Variants in NRG2 observed in about 807,000 individuals in gnomAD.
The protein encoded by NRG2 is pro-neuregulin-2, membrane-bound isoform.
Under a neutral mutation model 73.9 loss-of-function variants are expected in NRG2, and 27 were observed. The observed-to-expected ratio is 0.37, with a 90% CI of 0.27 to 0.50. NRG2 has a LOEUF of 0.50. Ranked by LOEUF, NRG2 falls within the 20% of genes least tolerant of loss-of-function variation. The pLI is 0.96. For synonymous variants in NRG2, 532 were observed against 541.0 expected (o/e 0.98, Z 0.23); for missense variants, 1,126 against 1,210.1 (o/e 0.93, Z 1.03).
At chr5:139,978,938 A>G (rs1371007905) in intron 1 of NRG2, among the ~76,000 whole-genome samples, 1 of 151,942 alleles carries the variant, frequency 6.6e-6, no homozygotes. Context: ...CTTTGTAGGG[A>G]CATGGATGAA....
chr5:139,975,073 G>A (rs1475696747), intron 1 of NRG2, among the ~76,000 whole-genome samples: 1 of 152,172 alleles, frequency 6.6e-6, no homozygotes, highest in Non-Finnish European at 1.5e-5. Flanking sequence ...ATGTCTACTT[G>A]TCATGTGTAC....
At chr5:139,930,534 G>T (rs968105030) in intron 1 of NRG2, among the ~76,000 whole-genome samples, 2 of 152,222 alleles carry the variant, frequency 1.3e-5, no homozygotes, top group Admixed American at 1.3e-4. Context: ...GTTCCCTTTG[G>T]TTTGTGTTTC....
At chr5:139,974,356 G>A (rs1411499935) in intron 1 of NRG2, among the ~76,000 whole-genome samples, 3 of 152,106 alleles carry the variant, frequency 2.0e-5, no homozygotes. Flanking sequence ...TTGGCAAAAT[G>A]GGGAAGGGCT....
At chr5:140,030,342 C>G (rs982145710) in intron 1 of NRG2, among the ~76,000 whole-genome samples, 1 of 152,170 alleles carries the variant, frequency 6.6e-6, no homozygotes, top group Non-Finnish European at 1.5e-5. Context: ...TAGGTGATCC[C>G]TTTACAGAAC....
At chr5:139,857,169 T>C (rs1403572879) in intron 5 of NRG2, among the ~76,000 whole-genome samples, 1 of 152,224 alleles carries the variant, frequency 6.6e-6, no homozygotes, top group Non-Finnish European at 1.5e-5. Context: ...TCCTACTTCA[T>C]TGGCTGACCT....
intron 1 of NRG2, among the ~76,000 whole-genome samples, chr5:139,932,177 ACAAT>A (rs1356215283): frequency 6.6e-6 from 1 of 152,100 alleles, no homozygotes; most frequent in Non-Finnish European, 1.5e-5. Flanking sequence ...AGATATGGAA[ACAAT>A]CTAAATGCCC....
At chr5:139,873,526 G>A (rs943345516) in intron 3 of NRG2, among the ~76,000 whole-genome samples, 1 of 152,262 alleles carries the variant, frequency 6.6e-6, no homozygotes, top group Non-Finnish European at 1.5e-5. Context: ...AGTGCAGTGT[G>A]TGTTGCAACA....
At position 139,866,777 on chromosome 5, in the gene NRG2, G is replaced by A. The variant is rs3777109; in HGVS notation, c.1113-1152C>T. On this transcript the variant is annotated intron_variant, in intron 4 of 9. Transcript: ENST00000361474. ...CCTTGTCTCTACCCACAGGGTACAC[G>A]TTCTTCTGCTCTCTGGCTGCCAGCC... 3.7e-3 allele frequency among the ~76,000 whole-genome samples: 565 copies of A among 152,250 alleles called. 12 individuals carry two copies. The highest frequency in any genetic ancestry group is 0.03 in the Admixed American group (455 of 15,290).
intron 1 of NRG2, among the ~76,000 whole-genome samples, chr5:139,988,172 G>A (rs1011385875): frequency 4.6e-5 from 7 of 152,036 alleles, no homozygotes; most frequent in South Asian, 2.1e-4. Flanking sequence ...AGGATGTGGA[G>A]CAACAGGAAT....
intron 1 of NRG2, among the ~76,000 whole-genome samples, chr5:140,033,833 T>C (rs1288867212): frequency 6.6e-6 from 1 of 152,250 alleles, no homozygotes; most frequent in African/African-American, 2.4e-5. Flanking sequence ...TTATTTTACA[T>C]GCATTATTAC....
chr5:139,891,991 C>T (rs879595049), intron 1 of NRG2, among the ~76,000 whole-genome samples: 3 of 152,314 alleles, frequency 2.0e-5, no homozygotes, highest in South Asian at 2.1e-4. Context: ...TAGCTCTTAA[C>T]GGTTCCTCGG....
At chr5:140,013,931 G>T (rs1759565482) in intron 1 of NRG2, among the ~76,000 whole-genome samples, 1 of 152,060 alleles carries the variant, frequency 6.6e-6, no homozygotes, top group Non-Finnish European at 1.5e-5. Context: ...GTCTTTTCTG[G>T]CTTCTTCTCT....
At chr5:139,993,693 C>G (rs1047040562) in intron 1 of NRG2, among the ~76,000 whole-genome samples, 2 of 152,096 alleles carry the variant, frequency 1.3e-5, no homozygotes, top group African/African-American at 4.8e-5. Context: ...TAAATTAGTT[C>G]CTGGGACAGC....
chr5:139,903,488 T>C (rs1359265951), intron 1 of NRG2, among the ~76,000 whole-genome samples: 2 of 152,156 alleles, frequency 1.3e-5, no homozygotes, highest in Non-Finnish European at 2.9e-5. Flanking sequence ...GTTTCCCCAA[T>C]TGGGCCCCAG....
At position 139,851,525 on chromosome 5, in the gene NRG2, G is replaced by A; in HGVS notation, c.1772+79C>T. ...TGAGGCTCTTTGGAGTGTTTCTGAG[G>A]GGCCCTAAGGGTCAGCCTTGGGCCA... is the stretch of plus-strand genomic sequence containing the variant. On this transcript the variant is annotated intron_variant, in intron 9 of 9. Coordinates refer to ENST00000361474, the MANE Select transcript of NRG2 (RefSeq NM_004883.3). This position sits in a 1 kb window ranked among gnomAD's most constrained non-coding sequence, Gnocchi z 4.2. 7.5e-7 allele frequency: 1 copy of A among 1,335,392 alleles called. No individual in the cohort carries two copies. Among genetic ancestry groups the A allele is most frequent in the Non-Finnish European group, 1.1e-6 (1 of 947,314 alleles). 82.7% of individuals were successfully genotyped at this position (1,335,392 alleles called of 1,614,324 possible). A position where few individuals can be genotyped will look rare whatever the true frequency, so the allele number is the denominator to read the frequency against.
At position 139,852,328 on chromosome 5, in the gene NRG2, C is replaced by T. The variant is rs914895607; in HGVS notation, c.1544+104G>A. 17 of 1,425,406 alleles carry T rather than the reference C, an allele frequency of 1.2e-5. No homozygotes were observed. In the Admixed American group the frequency reaches 1.7e-4, roughly 15 times the overall value. 88.3% of individuals were successfully genotyped at this position (1,425,406 alleles called of 1,614,324 possible). On this transcript the variant is annotated intron_variant, in intron 8 of 9. Transcript: ENST00000361474. The surrounding 1 kb of genome is among the most constrained non-coding windows in gnomAD (Gnocchi z 4.4). ...TGTGCTGTGATTCCTGTGGCAAGCTCAGGGGAGGGTATTGAATAGCTCTGG... is the reference window on the plus strand; with the variant it reads ...TGTGCTGTGATTCCTGTGGCAAGCTTAGGGGAGGGTATTGAATAGCTCTGG...
At chr5:139,968,407 G>C (rs1755713398) in intron 1 of NRG2, among the ~76,000 whole-genome samples, 1 of 152,204 alleles carries the variant, frequency 6.6e-6, no homozygotes. Flanking sequence ...GGGCAGGATT[G>C]GAACATCCTC....
At chr5:139,957,544 G>A (rs1754731304) in intron 1 of NRG2, among the ~76,000 whole-genome samples, 1 of 152,150 alleles carries the variant, frequency 6.6e-6, no homozygotes, top group Non-Finnish European at 1.5e-5. Context: ...CAGGCACTGG[G>A]AGTCCAGTGT....
chr5:139,898,112 T>C (rs889522942), intron 1 of NRG2, among the ~76,000 whole-genome samples: 4 of 152,250 alleles, frequency 2.6e-5, no homozygotes, highest in African/African-American at 9.6e-5. Flanking sequence ...GTGGAGATTC[T>C]GGCTGAGCAA....
Sources: allele counts gnomAD v4.1 joint callset (sites outside exome capture counted in the v4.1 genomes callset), GRCh38; gene constraint gnomAD v4.1.1; non-coding constraint Gnocchi (gnomAD v3.1); transcripts MANE v1.5; gene names NCBI Gene and HGNC (gene_info 2026-07-23, HGNC 2026-07-21).